Variants in ERBB4 observed in about 807,000 individuals in gnomAD.
ERBB4 encodes receptor tyrosine-protein kinase erbB-4.
Under a neutral mutation model 158.0 loss-of-function variants are expected in ERBB4, and 42 were observed. That is an observed-to-expected ratio of 0.27 (90% CI 0.21 to 0.34). ERBB4 has a LOEUF of 0.34. ERBB4 is among the 10% of genes least tolerant of loss of function. ERBB4 has a pLI of 1.00. For synonymous variants in ERBB4, 583 were observed against 558.7 expected (o/e 1.04, Z -0.61); for missense variants, 1,333 against 1,624.1 (o/e 0.82, Z 3.08).
chr2:211,470,736 G>A (rs2064809620), intron 20 of ERBB4, among the ~76,000 whole-genome samples: 1 of 152,112 alleles, frequency 6.6e-6, no homozygotes, highest in Non-Finnish European at 1.5e-5. Flanking sequence ...TAACTTAGCA[G>A]GTCTGGGTTA....
At position 211,575,187 on chromosome 2, in the gene ERBB4, G is replaced by A. The variant is rs900325976; in HGVS notation, c.2302-13099C>T. Among the ~76,000 whole-genome samples, 4 of 152,174 alleles carry A rather than the reference G, an allele frequency of 2.6e-5. No individual in the cohort carries two copies. In the East Asian group the frequency reaches 5.8e-4, roughly 22 times the overall value. On this transcript the variant is annotated intron_variant, in intron 19 of 27. Coordinates refer to ENST00000342788, the MANE Select transcript of ERBB4 (RefSeq NM_005235.3). ...TTCATGTCAGTTAGGTAACTAGGTA[G>A]ATCTAGCAGATTTTGTGGTGATTAT...
intron 2 of ERBB4, among the ~76,000 whole-genome samples, chr2:212,103,457 A>G (rs942653265): frequency 6.6e-6 from 1 of 152,080 alleles, no homozygotes; most frequent in Non-Finnish European, 1.5e-5. Context: ...TTAAAAATGC[A>G]ATTGATATAA....
At chr2:212,474,457 G>C (rs946789123) in intron 1 of ERBB4, among the ~76,000 whole-genome samples, 1 of 152,072 alleles carries the variant, frequency 6.6e-6, no homozygotes, top group African/African-American at 2.4e-5. Flanking sequence ...GGCCAGCATG[G>C]TATGGTATTA....
At chr2:212,277,838 A>G (rs1029278065) in intron 1 of ERBB4, among the ~76,000 whole-genome samples, 1 of 151,742 alleles carries the variant, frequency 6.6e-6, no homozygotes, top group Admixed American at 6.6e-5. Flanking sequence ...GTGCTTATTA[A>G]ATAAATTGTG....
intron 20 of ERBB4, among the ~76,000 whole-genome samples, chr2:211,437,069 A>C (rs923408447): frequency 3.5e-4 from 54 of 152,210 alleles, no homozygotes; most frequent in Non-Finnish European, 1.3e-4. Flanking sequence ...TTTTGAAAGA[A>C]GTATTTTAGG....
intron 5 of ERBB4, among the ~76,000 whole-genome samples, chr2:211,731,889 A>G (rs1214779697): frequency 6.6e-6 from 1 of 152,210 alleles, no homozygotes; most frequent in African/African-American, 2.4e-5. Flanking sequence ...ATAATTGAAC[A>G]CATTTGTGTG....
At chr2:211,571,744 G>C (rs754801575) in intron 19 of ERBB4, among the ~76,000 whole-genome samples, 1 of 152,058 alleles carries the variant, frequency 6.6e-6, no homozygotes, top group Non-Finnish European at 1.5e-5. Context: ...CTTATAAGAA[G>C]AATGCAATAC....
At chr2:211,740,696 C>T (rs9784129) in intron 5 of ERBB4, among the ~76,000 whole-genome samples, 12,702 of 146,352 alleles carry the variant, frequency 0.087, 1,607 homozygotes, top group African/African-American at 0.28. Context: ...CTGCAAGCTC[C>T]GCTTACAGGG....
chr2:211,947,993 TG>T (rs1263865287), intron 2 of ERBB4, among the ~76,000 whole-genome samples: 2 of 152,252 alleles, frequency 1.3e-5, no homozygotes, highest in South Asian at 2.1e-4. Flanking sequence ...AAAAGCATAT[TG>T]GTGAGCCTAA....
chr2:211,603,248 A>G (rs904797562), intron 19 of ERBB4, among the ~76,000 whole-genome samples: 23 of 152,080 alleles, frequency 1.5e-4, no homozygotes, highest in Non-Finnish European at 1.5e-5. Context: ...AAATAAATAA[A>G]TAAAGGATTA....
At chr2:211,553,791 C>T (rs2067167370) in intron 20 of ERBB4, among the ~76,000 whole-genome samples, 1 of 152,160 alleles carries the variant, frequency 6.6e-6, no homozygotes, top group African/African-American at 2.4e-5. Flanking sequence ...GTAGGCTAAA[C>T]ACAAACTAGT....
At chr2:211,843,198 T>C (rs2077512980) in intron 3 of ERBB4, among the ~76,000 whole-genome samples, 1 of 152,194 alleles carries the variant, frequency 6.6e-6, no homozygotes, top group African/African-American at 2.4e-5. Context: ...TTGCCTCTAC[T>C]GATATTTCCT....
At chr2:211,456,106 A>T (rs1198185515) in intron 20 of ERBB4, among the ~76,000 whole-genome samples, 1 of 152,096 alleles carries the variant, frequency 6.6e-6, no homozygotes, top group Non-Finnish European at 1.5e-5. Context: ...GTGTGAAGCC[A>T]CCTATGATAA....
At chr2:211,419,452 T>C (rs2063466556) in intron 25 of ERBB4, among the ~76,000 whole-genome samples, 2 of 152,212 alleles carry the variant, frequency 1.3e-5, no homozygotes, top group South Asian at 4.1e-4. Context: ...AGAAATCGGA[T>C]GCTGTCGGTT....
chr2:211,883,318 G>A (rs1575311901), intron 3 of ERBB4, among the ~76,000 whole-genome samples: 1 of 151,994 alleles, frequency 6.6e-6, no homozygotes, highest in Non-Finnish European at 1.5e-5. Flanking sequence ...GAGCGGGGAG[G>A]GATAGCATTA....
At chr2:211,446,175 T>G (rs1455569769) in intron 20 of ERBB4, among the ~76,000 whole-genome samples, 2 of 152,174 alleles carry the variant, frequency 1.3e-5, no homozygotes, top group African/African-American at 2.4e-5. Flanking sequence ...TTTCACTCTG[T>G]GCACCAGCAC....
chr2:211,934,885 T>C (rs2080271383), intron 3 of ERBB4, among the ~76,000 whole-genome samples: 1 of 126,810 alleles, frequency 7.9e-6, no homozygotes, highest in South Asian at 2.4e-4. Flanking sequence ...TCATTTCATT[T>C]CCTAAGTAAA....
intron 7 of ERBB4, 134 bp downstream of exon 7, chr2:211,722,259 T>TG: frequency 2.9e-6 from 2 of 692,996 alleles, no homozygotes; most frequent in South Asian, 3.6e-5. Context: ...ATTTATAAAA[T>TG]GGGGGCAATA....
chr2:212,142,726 T>G (rs1204200651), intron 1 of ERBB4, among the ~76,000 whole-genome samples: 1 of 151,550 alleles, frequency 6.6e-6, no homozygotes, highest in Admixed American at 6.6e-5. Flanking sequence ...AATGAGACTC[T>G]TCATTTAGGC....
Sources: gnomAD v4.1 joint callset for allele counts (sites outside exome capture counted in the v4.1 genomes callset) on GRCh38, gnomAD v4.1.1 for gene constraint, MANE v1.5 for transcripts, NCBI Gene and HGNC (gene_info 2026-07-23, HGNC 2026-07-21) for gene names.